NLRP14: variants seen among roughly 807,000 people sequenced by gnomAD.
NLRP14 encodes the protein NLR family pyrin domain containing 14.
NLRP14 carries 105 observed loss-of-function variants against 94.7 expected under a neutral mutation model. The ratio of observed to expected loss-of-function variants is 1.11; its 90% CI spans 0.95 to 1.30. The LOEUF (loss-of-function observed/expected upper bound fraction) is 1.30. Among genes scored for constraint, NLRP14 ranks in the 50% most tolerant of loss-of-function variants. The pLI is 0.00. For missense variants in NLRP14, 1,362 were observed against 1,254.1 expected, an observed-to-expected ratio of 1.09 and a Z score of -1.30; for synonymous variants, 508 against 459.9, an observed-to-expected ratio of 1.10 and a Z score of -1.34.
Position 7,062,213 on chromosome 11 carries a change from C to T in NLRP14, c.2805-120C>T, listed in dbSNP as rs181453537. The T allele has an allele frequency of 5.1e-5, 43 of 840,294 alleles. No homozygotes were observed. The East Asian group carries it at 9.0e-4, about 18-fold the overall frequency. 52.1% of individuals were successfully genotyped at this position (840,294 alleles called of 1,614,324 possible). On this transcript the variant is annotated intron_variant, in intron 9 of 11. Transcript: ENST00000299481. ...TAAATTAGACCCTCCCATGTATGTCCTGGATTGTAGATAGAAAAGAGTGAG... is the reference window on the plus strand; with the variant it reads ...TAAATTAGACCCTCCCATGTATGTCTTGGATTGTAGATAGAAAAGAGTGAG...
At chr11:7,082,716 G>C in the NLRP14 span, among the ~76,000 whole-genome samples, 7 of 152,094 alleles carry the variant, frequency 4.6e-5, no homozygotes, top group Non-Finnish European at 1.0e-4. Flanking sequence ...CTTTGGAAGG[G>C]ACATTAGGTT....
chr11:7,031,878 G>A (rs1255273168), intron 1 of NLRP14, among the ~76,000 whole-genome samples: 1 of 152,166 alleles, frequency 6.6e-6, no homozygotes, highest in Non-Finnish European at 1.5e-5. Context: ...CAAAGTTCAA[G>A]AAATATTAGT....
Position 7,043,156 on chromosome 11 carries a change from C to G in NLRP14, c.1130C>G (p.Thr377Ser). The G allele has an allele frequency of 9.9e-6, 16 of 1,614,108 alleles. No homozygotes were observed. The highest frequency in any genetic ancestry group is 1.4e-5 in the Non-Finnish European group (16 of 1,180,024). Residue 377 changes from threonine to serine, a missense_variant, in exon 4 of 12, where the codon ACT (threonine) becomes AGT (serine). Transcript: ENST00000299481. Reference protein sequence around the residue: ...QVPLVCWAACTCLKQQMEKGG... With the variant: ...QVPLVCWAACSCLKQQMEKGG... ...CCCCTAGTGTGCTGGGCCGCTTGTA[C>G]TTGTCTGAAGCAGCAAATGGAGAAG... is the stretch of plus-strand genomic sequence containing the variant.
chr11:7,054,095 A>G (rs1852483050), intron 6 of NLRP14, among the ~76,000 whole-genome samples: 1 of 152,140 alleles, frequency 6.6e-6, no homozygotes, highest in Non-Finnish European at 1.5e-5. Context: ...ACTTAATATA[A>G]TGATCTCCAG....
chr11:7,089,836 C>A, the NLRP14 span: 1 of 1,611,040 alleles, frequency 6.2e-7, no homozygotes, highest in Admixed American at 1.7e-5. Context: ...GGAGAGTACA[C>A]CCACCGCGAT....
At chr11:7,061,751 C>G (rs1376286881) in intron 9 of NLRP14, among the ~76,000 whole-genome samples, 2 of 151,740 alleles carry the variant, frequency 1.3e-5, no homozygotes, top group African/African-American at 2.4e-5. Flanking sequence ...ATATGCTAAA[C>G]AGAAGGAAAG....
the NLRP14 span, among the ~76,000 whole-genome samples, chr11:7,081,026 C>T: frequency 4.6e-5 from 7 of 151,604 alleles, no homozygotes; most frequent in African/African-American, 7.3e-5. Context: ...TGGCCCAGAG[C>T]GGAGTTATCT....
intron 1 of NLRP14, among the ~76,000 whole-genome samples, chr11:7,032,359 A>C (rs1056216070): frequency 1.3e-5 from 2 of 152,212 alleles, no homozygotes; most frequent in Non-Finnish European, 2.9e-5. Flanking sequence ...TTATACATTC[A>C]TTATAATTGA....
intron 9 of NLRP14, among the ~76,000 whole-genome samples, chr11:7,062,115 C>A (rs549084388): frequency 6.6e-6 from 1 of 151,896 alleles, no homozygotes; most frequent in South Asian, 2.1e-4. Flanking sequence ...CTGTAGATAA[C>A]CTGTTTGTGG....
At position 7,021,847 on chromosome 11, in the gene NLRP14, C is replaced by G. The variant is rs145425622; in HGVS notation, c.-22+1077C>G. ...CAATTGATAGTTGAATTACTGAATG[C>G]AGAGACATTGACCGGTAAGAACGAA... On this transcript the variant is annotated intron_variant, in intron 1 of 11. Coordinates refer to ENST00000299481, the MANE Select transcript of NLRP14 (RefSeq NM_176822.4). Among the ~76,000 whole-genome samples the G allele has an allele frequency of 8.5e-4, 128 of 150,736 alleles. 1 individual carries two copies. The highest frequency in any genetic ancestry group is 2.8e-3 in the African/African-American group (117 of 41,148).
chr11:7,068,125 T>G (rs1356089028), intron 10 of NLRP14, among the ~76,000 whole-genome samples: 1 of 152,176 alleles, frequency 6.6e-6, no homozygotes, highest in Admixed American at 6.5e-5. Flanking sequence ...GATGTGTTTT[T>G]TCTCATTTCT....
intron 2 of NLRP14, among the ~76,000 whole-genome samples, 188 bp from the exon 3 acceptor site, chr11:7,039,526 A>G (rs1852216063): frequency 1.3e-5 from 2 of 152,120 alleles, no homozygotes; most frequent in South Asian, 4.1e-4. Context: ...CTTCAGTGTT[A>G]TCTGTATCAC....
intron 1 of NLRP14, among the ~76,000 whole-genome samples, chr11:7,038,103 T>C (rs539988415): frequency 2.2e-4 from 33 of 152,284 alleles, no homozygotes; most frequent in African/African-American, 7.9e-4. Context: ...CAATGTTTTA[T>C]AGGTTGAGAT....
the NLRP14 span, among the ~76,000 whole-genome samples, chr11:7,082,633 C>A: frequency 6.6e-6 from 1 of 152,130 alleles, no homozygotes; most frequent in Non-Finnish European, 1.5e-5. Flanking sequence ...TCCGTCATTA[C>A]AGAACCCATT....
intron 1 of NLRP14, among the ~76,000 whole-genome samples, chr11:7,036,682 G>T (rs1589859010): frequency 6.6e-6 from 1 of 151,894 alleles, no homozygotes; most frequent in Non-Finnish European, 1.5e-5. Context: ...TAACAAGGAG[G>T]TTATTGGTAT....
At chr11:7,049,444 G>A (rs1852408260) in intron 5 of NLRP14, among the ~76,000 whole-genome samples, 1 of 152,102 alleles carries the variant, frequency 6.6e-6, no homozygotes, top group African/African-American at 2.4e-5. Context: ...CTCCTCTTCT[G>A]CTTTTCATGA....
At chr11:7,085,295 G>T in the NLRP14 span, among the ~76,000 whole-genome samples, 112,057 of 152,140 alleles carry the variant, frequency 0.74, 42,786 homozygotes, top group Non-Finnish European at 0.84. Context: ...CAGTTTAGTA[G>T]TGTTAAGTGT....
In NLRP14 at chr11:7,042,939, G is replaced by A. The variant is rs759516294; in HGVS notation, c.913G>A (p.Val305Met). 1.2e-5 allele frequency: 19 copies of A among 1,613,972 alleles called. No individual in the cohort carries two copies. The highest frequency in any genetic ancestry group is 1.6e-4 in the Middle Eastern group (1 of 6,062). Reference protein sequence around the residue: ...KVMLPEASLLVTTRLTTSKRL... With the variant: ...KVMLPEASLLMTTRLTTSKRL... ...GATGCTCCCTGAGGCATCCTTATTG[G>A]TGACAACAAGACTCACAACTTCTAA... Residue 305 changes from valine (V) to methionine (M), a missense_variant, in exon 4 of 12, where the codon GTG becomes ATG. By Grantham distance (21) the Val-to-Met change is conservative. Transcript: ENST00000299481.
rs745918145 is a variant in NLRP14 at position 7,038,781 on chromosome 11, T to C, written c.195T>C (p.Tyr65=). The C allele has an allele frequency of 6.2e-7, 1 of 1,613,422 alleles. No homozygotes were observed. The highest frequency in any genetic ancestry group is 1.7e-5 in the Admixed American group (1 of 59,888). Residue 65 remains tyrosine (Y), a synonymous_variant, in exon 2 of 12, where the codon TAT becomes TAC. Coordinates refer to ENST00000299481, the MANE Select transcript of NLRP14 (RefSeq NM_176822.4). Reference sequence around the variant, plus strand: ...ACCTGGCCAATTTGATGAAGAAATATTATCCAGGAGAGAAAGCCTGGAGTG... The same window carrying C: ...ACCTGGCCAATTTGATGAAGAAATACTATCCAGGAGAGAAAGCCTGGAGTG... ...REDLANLMKK[Y]YPGEKAWSVS...
Sources: allele counts gnomAD v4.1 joint callset (sites outside exome capture counted in the v4.1 genomes callset), GRCh38; gene constraint gnomAD v4.1.1; transcripts MANE v1.5; gene names NCBI Gene and HGNC (gene_info 2026-07-23, HGNC 2026-07-21).